Variants in SNTG1 observed in about 807,000 individuals in gnomAD.
SNTG1 encodes gamma-1-syntrophin.
SNTG1 carries 39 observed loss-of-function variants against 74.7 expected under a neutral mutation model. The observed-to-expected ratio is 0.52, with a 90% CI of 0.40 to 0.68. The LOEUF is 0.68. SNTG1 is among the 30% of genes least tolerant of loss of function. The probability of loss-of-function intolerance (pLI) is 0.00; values close to 1 mark genes in which losing one functional copy is unlikely to be tolerated. For synonymous variants in SNTG1, 254 were observed against 217.1 expected (o/e 1.17, Z -1.49); for missense variants, 685 against 609.5 (o/e 1.12, Z -1.30).
chr8:50,658,669 A>G lies in SNTG1; in HGVS notation c.1038+6A>G, dbSNP rs1002395431. On this transcript the variant is annotated splice_donor_region_variant and intron_variant, in intron 15 of 18. Transcript: ENST00000642720. ...TTATGTGCAAGATCCTCAAGGTATG[A>G]TCAATATGTAGTCAGTATTTGAATG... is the stretch of plus-strand genomic sequence containing the variant. 6.2e-7 allele frequency: 1 copy of G among 1,601,172 alleles called. No homozygotes were observed. Among genetic ancestry groups the G allele is most frequent in the African/African-American group, 1.3e-5 (1 of 74,642 alleles).
In SNTG1 at chr8:50,389,916, C is replaced by T. The variant is rs573700762; in HGVS notation, c.-27-4296C>T. ...AGCATCTGTTCATATCCTTCGCCCA[C>T]TTGTTGATGGGGTTGTTTGTATTTT... is the stretch of plus-strand genomic sequence containing the variant. On this transcript the variant is annotated intron_variant, in intron 2 of 18. Coordinates refer to ENST00000642720, the MANE Select transcript of SNTG1 (RefSeq NM_018967.5). Among the ~76,000 whole-genome samples the T allele has an allele frequency of 4.6e-5, 7 of 152,308 alleles. No homozygotes were observed. The East Asian group carries it at 1.4e-3, about 29-fold the overall frequency.
intron 1 of SNTG1, among the ~76,000 whole-genome samples, chr8:49,920,748 C>T (rs1806463053): frequency 6.6e-6 from 1 of 151,972 alleles, no homozygotes; most frequent in African/African-American, 2.4e-5. Context: ...TTACAAGCTT[C>T]AGGGAACCAT....
intron 18 of SNTG1, among the ~76,000 whole-genome samples, chr8:50,767,412 T>A (rs907631106): frequency 6.6e-6 from 1 of 151,974 alleles, no homozygotes; most frequent in African/African-American, 2.4e-5. Context: ...TTGATCTATA[T>A]AAGACTAATG....
At chr8:50,592,013 G>T (rs1334091164) in intron 13 of SNTG1, among the ~76,000 whole-genome samples, 28 of 152,190 alleles carry the variant, frequency 1.8e-4, no homozygotes, top group Admixed American at 1.5e-3. Flanking sequence ...CAACACCTGG[G>T]ATGTTCCCTT....
chr8:50,724,989 A>T (rs1337860183), intron 17 of SNTG1, among the ~76,000 whole-genome samples: 1 of 152,190 alleles, frequency 6.6e-6, no homozygotes, highest in Non-Finnish European at 1.5e-5. Context: ...TCATTTAATT[A>T]TCTGTGGATT....
chr8:50,780,320 A>G (rs1295470750), intron 18 of SNTG1, among the ~76,000 whole-genome samples: 2 of 152,122 alleles, frequency 1.3e-5, no homozygotes, highest in African/African-American at 4.8e-5. Flanking sequence ...TCGGCTGTGA[A>G]TCCCTCTGGT....
intron 1 of SNTG1, among the ~76,000 whole-genome samples, chr8:50,080,474 A>G (rs1479522758): frequency 6.6e-6 from 1 of 152,106 alleles, no homozygotes. Flanking sequence ...TGTTATTATT[A>G]TGTGTTGTCT....
At chr8:49,932,669 G>T (rs1807705335) in intron 1 of SNTG1, among the ~76,000 whole-genome samples, 1 of 151,834 alleles carries the variant, frequency 6.6e-6, no homozygotes, top group East Asian at 1.9e-4. Flanking sequence ...TAATTTAGTG[G>T]CTTTTAGTCT....
At chr8:49,984,252 C>T (rs1184171723) in intron 1 of SNTG1, among the ~76,000 whole-genome samples, 2 of 151,926 alleles carry the variant, frequency 1.3e-5, no homozygotes, top group East Asian at 3.9e-4. Context: ...GTTGCCCAGG[C>T]TGGAGTGCAA....
intron 12 of SNTG1, among the ~76,000 whole-genome samples, chr8:50,567,673 C>A (rs1157721041): frequency 6.6e-6 from 1 of 151,940 alleles, no homozygotes; most frequent in African/African-American, 2.4e-5. Context: ...ATAATATGTA[C>A]AAGAACCAAT....
intron 1 of SNTG1, among the ~76,000 whole-genome samples, chr8:50,025,652 A>T (rs1346085570): frequency 6.6e-6 from 1 of 152,166 alleles, no homozygotes; most frequent in Non-Finnish European, 1.5e-5. Context: ...GCAATTCAAG[A>T]TTTCAAATGT....
intron 2 of SNTG1, among the ~76,000 whole-genome samples, chr8:50,297,426 T>C (rs1258845763): frequency 6.6e-6 from 1 of 152,182 alleles, no homozygotes; most frequent in African/African-American, 2.4e-5. Context: ...ACAATTTTTT[T>C]TCTTTTCCTT....
intron 2 of SNTG1, among the ~76,000 whole-genome samples, chr8:50,174,011 T>C (rs1411932854): frequency 6.6e-6 from 1 of 152,088 alleles, no homozygotes; most frequent in Non-Finnish European, 1.5e-5. Flanking sequence ...CAAAAGGCCC[T>C]GGTGTGTGAT....
chr8:50,248,919 G>A (rs1320360556), intron 2 of SNTG1, among the ~76,000 whole-genome samples: 2 of 152,060 alleles, frequency 1.3e-5, no homozygotes, highest in Non-Finnish European at 1.5e-5. Flanking sequence ...AGCTTACAAA[G>A]TGACTAGAAA....
chr8:50,144,958 C>T (rs2081804953), intron 1 of SNTG1, among the ~76,000 whole-genome samples: 1 of 152,100 alleles, frequency 6.6e-6, no homozygotes. Flanking sequence ...ACTTGAGCTG[C>T]CTGCAGTGCT....
chr8:50,344,393 G>A (rs566682692), intron 2 of SNTG1, among the ~76,000 whole-genome samples: 44 of 152,260 alleles, frequency 2.9e-4, no homozygotes, highest in African/African-American at 9.6e-4. Context: ...TGGGGCTGGT[G>A]CAAGGCTGCC....
At chr8:50,777,269 T>C (rs1233362106) in intron 18 of SNTG1, among the ~76,000 whole-genome samples, 1 of 147,054 alleles carries the variant, frequency 6.8e-6, no homozygotes, top group Non-Finnish European at 1.5e-5. Flanking sequence ...ATATTTGTTT[T>C]AGTCTCACAG....
chr8:50,047,123 T>C (rs771283406), intron 1 of SNTG1, among the ~76,000 whole-genome samples: 1 of 152,110 alleles, frequency 6.6e-6, no homozygotes. Context: ...GTAGGGCAGA[T>C]CACTTGAGCT....
chr8:50,255,163 G>A (rs1242230589), intron 2 of SNTG1, among the ~76,000 whole-genome samples: 1 of 151,836 alleles, frequency 6.6e-6, no homozygotes, highest in Admixed American at 6.6e-5. Flanking sequence ...TCTAAAATTA[G>A]TCCTTAGAAG....
Sources: gnomAD v4.1 joint callset for allele counts (sites outside exome capture counted in the v4.1 genomes callset) on GRCh38, gnomAD v4.1.1 for gene constraint, MANE v1.5 for transcripts, NCBI Gene and HGNC (gene_info 2026-07-23, HGNC 2026-07-21) for gene names.